The following ZBBX variants were observed in gnomAD, a reference collection of about 807,000 sequenced individuals.
ZBBX encodes zinc finger B-box domain-containing protein 1.
Under a neutral mutation model 108.5 loss-of-function variants are expected in ZBBX, and 101 were observed. The observed-to-expected ratio is 0.93, with a 90% CI of 0.79 to 1.10. ZBBX has a LOEUF of 1.10. ZBBX is among the 50% of genes least tolerant of loss of function. The pLI is 0.00. For missense variants in ZBBX, 1,009 were observed against 941.4 expected (o/e 1.07, Z -0.94); for synonymous variants, 356 against 323.4 (o/e 1.10, Z -1.08).
At chr3:167,198,131 C>A in the ZBBX span, among the ~76,000 whole-genome samples, 2 of 151,522 alleles carry the variant, frequency 1.3e-5, no homozygotes, top group African/African-American at 4.9e-5. Flanking sequence ...TAGCAAGTAC[C>A]CAAAATAGAT....
intron 20 of ZBBX, among the ~76,000 whole-genome samples, chr3:167,272,923 T>C (rs116072254): frequency 0.012 from 1,893 of 152,228 alleles, 41 homozygotes; most frequent in African/African-American, 0.043. Flanking sequence ...GGAGAGCACC[T>C]CCCCCAGTTG....
At chr3:167,361,927 T>C (rs966976540) in intron 6 of ZBBX, among the ~76,000 whole-genome samples, 3 of 152,162 alleles carry the variant, frequency 2.0e-5, no homozygotes, top group African/African-American at 7.2e-5. Context: ...TAATTTGTTT[T>C]TATTATTATG....
chr3:167,298,277 G>A (rs1385669737), intron 18 of ZBBX, 28 bp downstream of exon 18: 2 of 1,564,598 alleles, frequency 1.3e-6, no homozygotes, highest in African/African-American at 2.8e-5. Flanking sequence ...AGAACAGACT[G>A]TTTTAGAAAA....
chr3:167,405,505 G>A (rs558067263), intron 1 of ZBBX, among the ~76,000 whole-genome samples: 1 of 152,274 alleles, frequency 6.6e-6, no homozygotes, highest in East Asian at 1.9e-4. Context: ...ATTACATTTG[G>A]TGAACAAAAA....
At chr3:167,385,608 A>G (rs1300453901) in intron 1 of ZBBX, among the ~76,000 whole-genome samples, 1 of 152,034 alleles carries the variant, frequency 6.6e-6, no homozygotes, top group Non-Finnish European at 1.5e-5. Context: ...AACACATCGT[A>G]CAGATGTACA....
chr3:167,287,561 A>G (rs1476882964), intron 19 of ZBBX, among the ~76,000 whole-genome samples: 1 of 152,156 alleles, frequency 6.6e-6, no homozygotes, highest in South Asian at 2.1e-4. Flanking sequence ...TGCTTGAACA[A>G]ATGTTTTTTA....
Position 167,348,372 on chromosome 3 carries a change from A to AAAGAAGAAAGAAAG in ZBBX, c.528+2047_528+2048insCTTTCTTTCTTCTT, listed in dbSNP as rs1560163843. ...AGAAAGAAAGAAAGAAAGAAAGAAAAAAAAGAAAAGAAAAGAAGAAGGAGG... is the reference window on the plus strand; with the variant it reads ...AGAAAGAAAGAAAGAAAGAAAGAAAAAAGAAGAAAGAAAGAAAAGAAAAGAAAAGAAGAAGGAGG... On this transcript the variant is annotated intron_variant, in intron 9 of 21. Transcript: ENST00000675490. Among the ~76,000 whole-genome samples the AAAGAAGAAAGAAAG allele has an allele frequency of 4.1e-3, 427 of 104,788 alleles. 4 individuals carry two copies. The highest frequency in any genetic ancestry group is 0.013 in the African/African-American group (411 of 30,770). 68.7% of individuals were successfully genotyped at this position (104,788 alleles called of 152,430 possible).
chr3:167,310,159 G>T (rs1396657885), intron 16 of ZBBX, among the ~76,000 whole-genome samples: 1 of 152,162 alleles, frequency 6.6e-6, no homozygotes, highest in East Asian at 1.9e-4. Context: ...TAGCAAAAGT[G>T]ACCGTTACTT....
chr3:167,259,404 T>C (rs1032832126), intron 20 of ZBBX, among the ~76,000 whole-genome samples: 5 of 152,312 alleles, frequency 3.3e-5, no homozygotes, highest in African/African-American at 1.2e-4. Flanking sequence ...CAATTTTATT[T>C]ATCTTTTCGA....
At chr3:167,275,368 C>T (rs574411035) in intron 20 of ZBBX, among the ~76,000 whole-genome samples, 3 of 152,132 alleles carry the variant, frequency 2.0e-5, no homozygotes, top group Admixed American at 6.5e-5. Flanking sequence ...TCTGAGGTAC[C>T]GGGTTCATCT....
At chr3:167,257,126 C>T (rs1355934302) in intron 20 of ZBBX, among the ~76,000 whole-genome samples, 3 of 152,100 alleles carry the variant, frequency 2.0e-5, no homozygotes, top group Admixed American at 6.6e-5. Flanking sequence ...CACATGCTTG[C>T]CAGCAGGCTT....
chr3:167,316,086 T>C lies in ZBBX; in HGVS notation c.1195-257A>G, dbSNP rs111817159. Among the ~76,000 whole-genome samples, 893 of 151,722 alleles carry C rather than the reference T, an allele frequency of 5.9e-3. 5 individuals are homozygous for C. The highest frequency in any genetic ancestry group is 0.019 in the African/African-American group (796 of 41,500). On this transcript the variant is annotated intron_variant, in intron 14 of 21. Coordinates refer to ENST00000675490, the MANE Select transcript of ZBBX (RefSeq NM_001199201.2). ...AACTTATATTTAAGTATGTAGCTAC[T>C]ACCTGCCAAGTAGATTAGTGACTAG...
the ZBBX span, among the ~76,000 whole-genome samples, chr3:167,220,920 C>A: frequency 6.6e-6 from 1 of 151,738 alleles, no homozygotes; most frequent in Non-Finnish European, 1.5e-5. Context: ...TGTATGCCAA[C>A]AATGAACAAT....
intron 8 of ZBBX, among the ~76,000 whole-genome samples, chr3:167,354,328 A>C (rs1743172709): frequency 6.6e-6 from 1 of 151,902 alleles, no homozygotes; most frequent in Admixed American, 6.6e-5. Flanking sequence ...GTAAGTGAAA[A>C]ATGGTAAGTC....
the ZBBX span, among the ~76,000 whole-genome samples, chr3:167,194,543 T>C: frequency 6.6e-6 from 1 of 152,162 alleles, no homozygotes; most frequent in Non-Finnish European, 1.5e-5. Context: ...AATTTGGAAG[T>C]GAGAAGTATG....
At chr3:167,217,107 C>A in the ZBBX span, among the ~76,000 whole-genome samples, 1 of 152,016 alleles carries the variant, frequency 6.6e-6, no homozygotes, top group Non-Finnish European at 1.5e-5. Flanking sequence ...GCAACAAAAG[C>A]AAAAATTGAC....
At chr3:167,243,243 T>C (rs1720987355) in intron 20 of ZBBX, among the ~76,000 whole-genome samples, 1 of 152,226 alleles carries the variant, frequency 6.6e-6, no homozygotes, top group Non-Finnish European at 1.5e-5. Context: ...TCATATAAAC[T>C]ACCAAAAATT....
At position 167,298,902 on chromosome 3, in the gene ZBBX, T is replaced by G. The variant is rs1576928769; in HGVS notation, c.1726-444A>C. Among the ~76,000 whole-genome samples, 3 of 152,044 alleles carry G rather than the reference T, an allele frequency of 2.0e-5. No individual in the cohort carries two copies. In the East Asian group the frequency reaches 5.8e-4, roughly 29 times the overall value. The stretch of plus-strand genomic sequence containing the variant: ...GACAATGGTCATGGAAAAAAAAATG[T>G]AAGTTAACAAAACACTCATCATGAA... On this transcript the variant is annotated intron_variant, in intron 17 of 21. Transcript: ENST00000675490.
intron 20 of ZBBX, among the ~76,000 whole-genome samples, chr3:167,271,529 G>T (rs909788043): frequency 6.6e-6 from 1 of 152,150 alleles, no homozygotes; most frequent in Non-Finnish European, 1.5e-5. Context: ...CCAGACCAAA[G>T]GGAAATGCTA....
Sources: gnomAD v4.1 joint callset for allele counts (sites outside exome capture counted in the v4.1 genomes callset) on GRCh38, gnomAD v4.1.1 for gene constraint, MANE v1.5 for transcripts, NCBI Gene and HGNC (gene_info 2026-07-23, HGNC 2026-07-21) for gene names.